The following CUL4B variants were observed in gnomAD, a reference collection of about 807,000 sequenced individuals.
The protein encoded by CUL4B is cullin-4B.
A neutral mutation model predicts 69.2 loss-of-function variants in CUL4B; 1 was observed. The observed-to-expected ratio is 0.01, with a 90% CI of 0.01 to 0.07. The LOEUF (loss-of-function observed/expected upper bound fraction) is 0.07, where lower values mean the gene tolerates loss of function less well. Among genes scored for constraint, CUL4B ranks in the 10% least tolerant of loss-of-function variants. CUL4B has a pLI of 1.00. For missense variants in CUL4B, 328 were observed against 638.8 expected, an observed-to-expected ratio of 0.51 and a Z score of 5.24; for synonymous variants, 237 against 223.2, an observed-to-expected ratio of 1.06 and a Z score of -0.55.
At chrX:120,551,570 G>T (rs758891153) in intron 2 of CUL4B, among the ~76,000 whole-genome samples, 7 of 111,287 alleles carry the variant, frequency 6.3e-5, no homozygotes, top group Non-Finnish European at 9.4e-5. Context: ...GATTTGGAGT[G>T]GTGTCTGTAA....
At chrX:120,562,100 G>C (rs1925350714), upstream of CUL4B, among the ~76,000 whole-genome samples, 2 of 111,276 alleles carry the variant, frequency 1.8e-5, 1 homozygote, top group South Asian at 7.5e-4. Context: ...ACTATGCCCA[G>C]GATCGTCCTA....
At chrX:120,555,330 T>C (rs1276581476) in intron 2 of CUL4B, among the ~76,000 whole-genome samples, 2 of 112,185 alleles carry the variant, frequency 1.8e-5, no homozygotes, top group South Asian at 3.7e-4. Flanking sequence ...TAAAATATTA[T>C]TGAAATTAAA....
chrX:120,559,024 G>C (rs1045642943), intron 1 of CUL4B, among the ~76,000 whole-genome samples: 1 of 110,725 alleles, frequency 9.0e-6, no homozygotes, highest in Non-Finnish European at 1.9e-5. Context: ...AAAAAGAAAG[G>C]GTTAAAAATA....
intron 19 of CUL4B, among the ~76,000 whole-genome samples, chrX:120,528,894 A>G (rs1199424148): frequency 8.9e-6 from 1 of 112,053 alleles, no homozygotes; most frequent in Non-Finnish European, 1.9e-5. Flanking sequence ...CTGGATGACA[A>G]AATTCCACTA....
At chrX:120,543,531 C>T (rs1381012663) in intron 8 of CUL4B, among the ~76,000 whole-genome samples, 196 bp downstream of exon 8, 1 of 93,621 alleles carries the variant, frequency 1.1e-5, no homozygotes, top group Non-Finnish European at 2.1e-5. Flanking sequence ...CACACACACA[C>T]ACCCCTAATA....
chrX:120,543,495 A>AACAC (rs60058698), intron 8 of CUL4B, among the ~76,000 whole-genome samples: 91 of 98,169 alleles, frequency 9.3e-4, no homozygotes, highest in South Asian at 1.5e-3. Flanking sequence ...TTACCTTCTA[A>AACAC]ACACACACAC....
chrX:120,561,143 G>C (rs947276854), upstream of CUL4B: 3 of 982,767 alleles, frequency 3.1e-6, no homozygotes, highest in African/African-American at 2.0e-5. Context: ...CTCAGGGAGT[G>C]GGGGTGAGGG....
At chrX:120,549,566 A>AGAGC (rs1924561034) in intron 2 of CUL4B, among the ~76,000 whole-genome samples, 1 of 110,985 alleles carries the variant, frequency 9.0e-6, no homozygotes, top group South Asian at 3.8e-4. Flanking sequence ...AAAAGAAGAG[A>AGAGC]AGAGCAGAGC....
At chrX:120,572,377 A>G (rs1347300481) in intron 2 of CUL4B, among the ~76,000 whole-genome samples, 1 of 102,531 alleles carries the variant, frequency 9.8e-6, no homozygotes, top group African/African-American at 3.6e-5. Context: ...AGGCAGGAGT[A>G]TTGCTTGAAC....
chrX:120,559,627 T>C (rs556531012), intron 1 of CUL4B, among the ~76,000 whole-genome samples: 7 of 112,449 alleles, frequency 6.2e-5, no homozygotes, highest in African/African-American at 2.3e-4. Flanking sequence ...ATTATAAATC[T>C]TATTTGAGCA....
intron 8 of CUL4B, 110 bp downstream of exon 8, chrX:120,543,617 A>C (rs369196487): frequency 1.8e-6 from 1 of 564,137 alleles, no homozygotes; most frequent in African/African-American, 2.3e-5. Flanking sequence ...ACAACTGTTA[A>C]CACTTCAAAT....
downstream of CUL4B, among the ~76,000 whole-genome samples, chrX:120,567,127 T>C (rs1925576697): frequency 1.0e-5 from 1 of 95,816 alleles, no homozygotes; most frequent in Admixed American, 1.1e-4. Flanking sequence ...GATTTTTTTT[T>C]TTTTTTTTTT....
At chrX:120,569,550 C>T (rs975493054), downstream of CUL4B, among the ~76,000 whole-genome samples, 8 of 110,414 alleles carry the variant, frequency 7.2e-5, no homozygotes, top group Admixed American at 1.9e-4. Flanking sequence ...TTAGTAGAGA[C>T]GGGGTTTCAC....
chrX:120,538,117 CT>C lies in CUL4B; in HGVS notation c.1938+6del. ...TTTGAGGAATTAAGAGTTTAACTCA[CT>C]TTTACCTGTTTGAACTGAATCATGA... On this transcript the variant is annotated splice_donor_region_variant and intron_variant, in intron 14 of 19. Coordinates refer to ENST00000371322, the MANE Select transcript of CUL4B (RefSeq NM_001079872.2). 1 of 1,157,294 alleles carries C rather than the reference CT, an allele frequency of 8.6e-7. No homozygotes were observed. The highest frequency in any genetic ancestry group is 1.8e-5 in the South Asian group (1 of 55,257).
At chrX:120,572,605 T>C (rs1388303136) in intron 2 of CUL4B, among the ~76,000 whole-genome samples, 4 of 111,561 alleles carry the variant, frequency 3.6e-5, no homozygotes, top group African/African-American at 1.3e-4. Flanking sequence ...TTAAGTTTAC[T>C]GATTAAAGAT....
chrX:120,527,321 G>T (rs2147315436), intron 19 of CUL4B, among the ~76,000 whole-genome samples: 1 of 111,942 alleles, frequency 8.9e-6, no homozygotes, highest in African/African-American at 3.2e-5. Context: ...GCCTCCCAAA[G>T]TGCTGGGATT....
exon 1 of CUL4B, chrX:120,575,445 G>C (rs1743835871): frequency 8.9e-6 from 1 of 112,111 alleles, no homozygotes; most frequent in Non-Finnish European, 1.9e-5. Flanking sequence ...TTCTATCTAA[G>C]GTCCGAGCTG....
Position 120,544,103 on chromosome X carries a change from T to C in CUL4B, c.1173+11A>G. ...GACAGTGAGAATTTATTAGTCATGA[T>C]TTTTAAATACCTCTCTTTCTTGCAT... On this transcript the variant is annotated intron_variant, in intron 7 of 19. Transcript: ENST00000371322. The C allele has an allele frequency of 9.0e-7, 1 of 1,115,901 alleles. No individual in the cohort carries two copies. Among genetic ancestry groups the C allele is most frequent in the Non-Finnish European group, 1.2e-6 (1 of 808,827 alleles). The allele number at this position is 1,115,901 out of a possible 1,213,427, so 92.0% of individuals were successfully genotyped here. A position where few individuals can be genotyped will look rare whatever the true frequency, so the allele number is the denominator to read the frequency against.
intron 16 of CUL4B, among the ~76,000 whole-genome samples, chrX:120,535,453 C>T (rs1923596523): frequency 9.1e-6 from 1 of 110,063 alleles, no homozygotes; most frequent in South Asian, 3.8e-4. Flanking sequence ...ACCTGTAATC[C>T]CAGCACTTTA....
Sources: gnomAD v4.1 joint callset for allele counts (sites outside exome capture counted in the v4.1 genomes callset) on GRCh38, gnomAD v4.1.1 for gene constraint, MANE v1.5 for transcripts, NCBI Gene and HGNC (gene_info 2026-07-23, HGNC 2026-07-21) for gene names.